Variants in ACTR2 observed in about 807,000 individuals in gnomAD.
The protein encoded by ACTR2 is actin related protein 2.
ACTR2 carries 5 observed loss-of-function variants against 50.2 expected under a neutral mutation model. That is an observed-to-expected ratio of 0.10 (90% CI 0.05 to 0.21). ACTR2 has a LOEUF of 0.21. ACTR2 is among the 10% of genes least tolerant of loss of function. The probability of loss-of-function intolerance (pLI) is 1.00; values close to 1 mark genes in which losing one functional copy is unlikely to be tolerated. For synonymous variants in ACTR2, 140 were observed against 162.9 expected (o/e 0.86, Z 1.07); for missense variants, 180 against 480.6 (o/e 0.37, Z 5.85).
At chr2:65,265,329 T>C (rs1672350877) in intron 8 of ACTR2, 154 bp downstream of exon 8, 12 of 860,076 alleles carry the variant, frequency 1.4e-5, no homozygotes, top group Non-Finnish European at 1.9e-6. Flanking sequence ...AAGAAGGAAA[T>C]AGTTCAAGAT....
At position 65,235,703 on chromosome 2, in the gene ACTR2, C is replaced by T. The variant is rs540905788; in HGVS notation, c.49-4149C>T. Among the ~76,000 whole-genome samples, 129 of 151,780 alleles carry T rather than the reference C, an allele frequency of 8.5e-4. No homozygotes were observed. In the South Asian group the frequency reaches 0.011, roughly 13 times the overall value. On this transcript the variant is annotated intron_variant, in intron 1 of 8. Coordinates refer to ENST00000260641, the MANE Select transcript of ACTR2 (RefSeq NM_005722.4). ...CCAGGAGGCAGAGGTTGCAATGAGCCGAGATCACGCCACTGCACTCCAGCC... is the reference window on the plus strand; with the variant it reads ...CCAGGAGGCAGAGGTTGCAATGAGCTGAGATCACGCCACTGCACTCCAGCC...
At chr2:65,229,468 C>T (rs1037092272) in intron 1 of ACTR2, among the ~76,000 whole-genome samples, 10 of 151,856 alleles carry the variant, frequency 6.6e-5, no homozygotes, top group African/African-American at 1.7e-4. Flanking sequence ...TGTTAACGTA[C>T]ATTGAGGCCA....
At chr2:65,230,107 AAATT>A (rs1434781194) in intron 1 of ACTR2, among the ~76,000 whole-genome samples, 4 of 152,234 alleles carry the variant, frequency 2.6e-5, no homozygotes, top group African/African-American at 9.6e-5. Flanking sequence ...TATTTAAACT[AAATT>A]AACCATAAAC....
At position 65,239,193 on chromosome 2, in the gene ACTR2, G is replaced by A. The variant is rs189566414; in HGVS notation, c.49-659G>A. Reference sequence around the variant, plus strand: ...CATTTTGCCGGGCATGGTGGCTCACGCCTGTAATCCCAGCACTTTGGGACG... The same window carrying A: ...CATTTTGCCGGGCATGGTGGCTCACACCTGTAATCCCAGCACTTTGGGACG... On this transcript the variant is annotated intron_variant, in intron 1 of 8. Transcript: ENST00000260641. Among the ~76,000 whole-genome samples the A allele has an allele frequency of 7.9e-5, 12 of 152,300 alleles. No homozygotes were observed. The East Asian group carries it at 2.3e-3, about 29-fold the overall frequency.
intron 1 of ACTR2, among the ~76,000 whole-genome samples, chr2:65,237,502 A>C (rs1226166216): frequency 6.6e-6 from 1 of 152,006 alleles, no homozygotes; most frequent in East Asian, 1.9e-4. Flanking sequence ...TAAGCCTCCC[A>C]AAGTGCTGGA....
chr2:65,267,148 T>G (rs1672387885), intron 8 of ACTR2, among the ~76,000 whole-genome samples: 1 of 152,230 alleles, frequency 6.6e-6, no homozygotes, highest in Admixed American at 6.5e-5. Context: ...GGTGGTCATC[T>G]ATAGCCCTTA....
At chr2:65,260,367 G>C (rs1012459090) in intron 6 of ACTR2, among the ~76,000 whole-genome samples, 2 of 152,154 alleles carry the variant, frequency 1.3e-5, no homozygotes, top group East Asian at 3.9e-4. Context: ...ATATGCTGGC[G>C]TGGTGGCACA....
chr2:65,264,666 AGG>A (rs1672340449), intron 7 of ACTR2, among the ~76,000 whole-genome samples: 1 of 152,240 alleles, frequency 6.6e-6, no homozygotes, highest in East Asian at 1.9e-4. Context: ...ATTAAAAAGC[AGG>A]AATTCTGGAT....
intron 4 of ACTR2, among the ~76,000 whole-genome samples, chr2:65,252,271 AAG>A (rs1472014792): frequency 1.3e-5 from 2 of 151,928 alleles, no homozygotes. Flanking sequence ...TTCTTTTTAA[AAG>A]AGTACAACAT....
intron 8 of ACTR2, among the ~76,000 whole-genome samples, chr2:65,266,187 G>A (rs7578568): frequency 0.012 from 1,882 of 152,286 alleles, 36 homozygotes; most frequent in African/African-American, 0.043. Context: ...TCTAAATAAT[G>A]TATTAGTGGT....
At chr2:65,258,775 A>G (rs919729692) in intron 6 of ACTR2, among the ~76,000 whole-genome samples, 1 of 152,116 alleles carries the variant, frequency 6.6e-6, no homozygotes, top group African/African-American at 2.4e-5. Flanking sequence ...AGGTGATTAG[A>G]AAACTTGACC....
intron 1 of ACTR2, among the ~76,000 whole-genome samples, chr2:65,229,205 A>G (rs1033209870): frequency 2.6e-5 from 4 of 152,206 alleles, no homozygotes; most frequent in Admixed American, 2.6e-4. Context: ...GATGACTTCT[A>G]TAGTGATTTC....
At chr2:65,251,997 T>C (rs1422721193) in intron 4 of ACTR2, among the ~76,000 whole-genome samples, 2 of 152,018 alleles carry the variant, frequency 1.3e-5, no homozygotes, top group Non-Finnish European at 2.9e-5. Context: ...GTCAGATATG[T>C]GCCAAGGAGT....
At chr2:65,246,819 G>T in intron 3 of ACTR2, 80 bp downstream of exon 3, 1 of 992,632 alleles carries the variant, frequency 1.0e-6, no homozygotes, top group Non-Finnish European at 1.5e-6. Flanking sequence ...TGTTGCTATG[G>T]ATAAAGAGAA....
intron 1 of ACTR2, among the ~76,000 whole-genome samples, chr2:65,233,452 C>A (rs1471673799): frequency 6.6e-6 from 1 of 151,768 alleles, no homozygotes; most frequent in Non-Finnish European, 1.5e-5. Flanking sequence ...GCTGGGAGTT[C>A]AAGACCATCC....
At chr2:65,242,855 C>G (rs1671867500) in intron 2 of ACTR2, among the ~76,000 whole-genome samples, 1 of 152,118 alleles carries the variant, frequency 6.6e-6, no homozygotes, top group South Asian at 2.1e-4. Flanking sequence ...TCAGGCACTT[C>G]TAATATATAT....
chr2:65,267,342 A>G (rs1422641968), intron 8 of ACTR2, among the ~76,000 whole-genome samples: 1 of 152,142 alleles, frequency 6.6e-6, no homozygotes, highest in Non-Finnish European at 1.5e-5. Context: ...AAGTTTGCTG[A>G]CCCCTATGTA....
chr2:65,252,676 A>G (rs1672076278), intron 4 of ACTR2, among the ~76,000 whole-genome samples: 1 of 151,936 alleles, frequency 6.6e-6, no homozygotes, highest in Admixed American at 6.6e-5. Context: ...ATAAATAAAA[A>G]AAGTTTTTTT....
intron 5 of ACTR2, 118 bp downstream of exon 5, chr2:65,253,982 CA>C: frequency 1.4e-6 from 1 of 706,950 alleles, no homozygotes; most frequent in Non-Finnish European, 2.3e-6. Context: ...AGAAATTATC[CA>C]ATTACCTCCC....
Sources: gnomAD v4.1 joint callset for allele counts (sites outside exome capture counted in the v4.1 genomes callset) on GRCh38, gnomAD v4.1.1 for gene constraint, MANE v1.5 for transcripts, NCBI Gene and HGNC (gene_info 2026-07-23, HGNC 2026-07-21) for gene names.